The following TTC27 variants were observed in gnomAD, a reference collection of about 807,000 sequenced individuals.
TTC27 encodes tetratricopeptide repeat protein 27.
TTC27 carries 79 observed loss-of-function variants against 115.9 expected under a neutral mutation model. The ratio of observed to expected loss-of-function variants is 0.68; its 90% confidence interval spans 0.57 to 0.82. TTC27 has a LOEUF of 0.82. TTC27 is among the 40% of genes least tolerant of loss of function. The pLI, the probability that TTC27 is intolerant of heterozygous loss-of-function variation, is 0.00. For synonymous variants in TTC27, 401 were observed against 356.0 expected, an observed-to-expected ratio of 1.13 and a Z score of -1.42; for missense variants, 1,054 against 993.1, an observed-to-expected ratio of 1.06 and a Z score of -0.82.
intron 15 of TTC27, among the ~76,000 whole-genome samples, chr2:32,786,481 C>T (rs11900724): frequency 0.12 from 17,862 of 152,130 alleles, 1,202 homozygotes; most frequent in Middle Eastern, 0.23. Context: ...GTCCTGTTGA[C>T]TAGTTTTGTT....
intron 12 of TTC27, among the ~76,000 whole-genome samples, chr2:32,744,998 A>G (rs1668768754): frequency 7.0e-6 from 1 of 142,064 alleles, no homozygotes; most frequent in African/African-American, 2.6e-5. Flanking sequence ...CAGTGGGCCA[A>G]GATCACGCCA....
At chr2:32,684,726 A>C (rs1666570427) in intron 9 of TTC27, among the ~76,000 whole-genome samples, 1 of 152,060 alleles carries the variant, frequency 6.6e-6, no homozygotes, top group South Asian at 2.1e-4. Flanking sequence ...TAATTTATTA[A>C]GATAGGCAAT....
chr2:32,703,526 A>G (rs1211374914), intron 10 of TTC27, among the ~76,000 whole-genome samples: 1 of 152,194 alleles, frequency 6.6e-6, no homozygotes, highest in Non-Finnish European at 1.5e-5. Context: ...AAGAGACAAT[A>G]GAAGAATTAA....
chr2:32,798,591 G>A (rs1306146038), intron 16 of TTC27, among the ~76,000 whole-genome samples: 1 of 150,506 alleles, frequency 6.6e-6, no homozygotes, highest in African/African-American at 2.5e-5. Context: ...TGTGGTCCTA[G>A]CTACTCGGGA....
intron 5 of TTC27, among the ~76,000 whole-genome samples, chr2:32,659,814 C>T (rs1189013753): frequency 6.6e-6 from 1 of 152,134 alleles, no homozygotes; most frequent in African/African-American, 2.4e-5. Flanking sequence ...TGGTTTTCAG[C>T]TTCATCCATG....
At chr2:32,816,743 C>A (rs1282301383) in intron 18 of TTC27, among the ~76,000 whole-genome samples, 1 of 152,094 alleles carries the variant, frequency 6.6e-6, no homozygotes, top group Non-Finnish European at 1.5e-5. Context: ...TCAGTGCTTC[C>A]TGAATGGTGC....
At chr2:32,647,643 C>T (rs1057345963) in intron 4 of TTC27, among the ~76,000 whole-genome samples, 2 of 152,068 alleles carry the variant, frequency 1.3e-5, no homozygotes, top group Admixed American at 1.3e-4. Flanking sequence ...TAGAAGGGAA[C>T]GTCTTAGTCA....
At chr2:32,812,185 C>T (rs1671338564) in intron 17 of TTC27, among the ~76,000 whole-genome samples, 1 of 152,188 alleles carries the variant, frequency 6.6e-6, no homozygotes, top group Non-Finnish European at 1.5e-5. Flanking sequence ...GCCTCATTCT[C>T]TAAACAGGTT....
chr2:32,703,269 C>A (rs1667253489), intron 10 of TTC27, among the ~76,000 whole-genome samples: 1 of 152,154 alleles, frequency 6.6e-6, no homozygotes, highest in Non-Finnish European at 1.5e-5. Flanking sequence ...GAGTTTGAGA[C>A]CAGCCTGGCC....
intron 13 of TTC27, among the ~76,000 whole-genome samples, chr2:32,772,858 G>A (rs1480276212): frequency 6.6e-6 from 1 of 152,026 alleles, no homozygotes; most frequent in Non-Finnish European, 1.5e-5. Context: ...AGAATCTGGG[G>A]CATCTGGAGA....
At chr2:32,690,772 A>G (rs551201446) in intron 9 of TTC27, among the ~76,000 whole-genome samples, 2 of 152,360 alleles carry the variant, frequency 1.3e-5, no homozygotes, top group East Asian at 3.9e-4. Flanking sequence ...GGAATTATTT[A>G]TAGATTAAAC....
In TTC27 at chr2:32,758,239, A is replaced by G; in HGVS notation, c.1453-53A>G. Reference sequence around the variant, plus strand: ...TTAAAGATGTATATGTGCTAAAAAAAAAAATAGCAGTTAATCACTCTTAAG... The same window carrying G: ...TTAAAGATGTATATGTGCTAAAAAAGAAAATAGCAGTTAATCACTCTTAAG... On this transcript the variant is annotated intron_variant, in intron 12 of 19. Coordinates refer to ENST00000317907, the MANE Select transcript of TTC27 (RefSeq NM_017735.5). 3.3e-6 allele frequency: 5 copies of G among 1,533,278 alleles called. No homozygotes were observed. The South Asian group carries it at 4.8e-5, about 15-fold the overall frequency. 95.0% of individuals were successfully genotyped at this position (1,533,278 alleles called of 1,614,324 possible).
At chr2:32,758,203 A>T in intron 12 of TTC27, 89 bp from the exon 13 acceptor site, 1 of 1,181,142 alleles carries the variant, frequency 8.5e-7, no homozygotes. Flanking sequence ...AAAAATTTGG[A>T]TTGTGTGAGA....
intron 5 of TTC27, among the ~76,000 whole-genome samples, chr2:32,655,993 G>C (rs1665300995): frequency 6.6e-6 from 1 of 152,144 alleles, no homozygotes; most frequent in Admixed American, 6.5e-5. Context: ...CTACCATCTG[G>C]ACAAGCAGCT....
chr2:32,731,333 C>G (rs1217560271), intron 10 of TTC27, among the ~76,000 whole-genome samples: 1 of 152,156 alleles, frequency 6.6e-6, no homozygotes, highest in Non-Finnish European at 1.5e-5. Flanking sequence ...CCTGCCTCAG[C>G]CTCCCAAAAT....
intron 16 of TTC27, among the ~76,000 whole-genome samples, chr2:32,808,270 A>C (rs1372967616): frequency 6.6e-6 from 1 of 152,118 alleles, no homozygotes; most frequent in Non-Finnish European, 1.5e-5. Flanking sequence ...GTTCTTTAAG[A>C]TTCTATCCTC....
Position 32,628,082 on chromosome 2 carries a change from T to A in TTC27, c.-211T>A. 1.8e-6 allele frequency: 1 copy of A among 550,192 alleles called. No individual in the cohort carries two copies. Among genetic ancestry groups the A allele is most frequent in the Non-Finnish European group, 3.2e-6 (1 of 310,316 alleles). 34.1% of individuals were successfully genotyped at this position (550,192 alleles called of 1,614,324 possible). A position where few individuals can be genotyped will look rare whatever the true frequency, so the allele number is the denominator to read the frequency against. On this transcript the variant is annotated 5_prime_UTR_variant, in exon 1 of 20. Coordinates refer to ENST00000317907, the MANE Select transcript of TTC27 (RefSeq NM_017735.5). The stretch of plus-strand genomic sequence containing the variant: ...TAGGCGGAAGCCAGACCAGAGAGCG[T>A]GCGTGTTTTTCCCAGGGTGCCCCGC...
chr2:32,765,294 C>G (rs1669587358), intron 13 of TTC27, among the ~76,000 whole-genome samples: 1 of 151,414 alleles, frequency 6.6e-6, no homozygotes, highest in African/African-American at 2.4e-5. Context: ...CCTTGTACAT[C>G]TTCATCAGAG....
intron 9 of TTC27, among the ~76,000 whole-genome samples, chr2:32,695,763 G>A (rs1666965233): frequency 6.8e-6 from 1 of 147,506 alleles, no homozygotes; most frequent in Admixed American, 6.8e-5. Context: ...GGGTGTGGTG[G>A]CGGGTGCCTG....
Sources: gnomAD v4.1 joint callset for allele counts (sites outside exome capture counted in the v4.1 genomes callset) on GRCh38, gnomAD v4.1.1 for gene constraint, MANE v1.5 for transcripts, NCBI Gene and HGNC (gene_info 2026-07-23, HGNC 2026-07-21) for gene names.